SGMS1: variants seen among roughly 807,000 people sequenced by gnomAD.
The protein encoded by SGMS1 is phosphatidylcholine:ceramide cholinephosphotransferase 1.
Under a neutral mutation model 46.2 loss-of-function variants are expected in SGMS1, and 13 were observed. That is an observed-to-expected ratio of 0.28 (90% CI 0.18 to 0.45). SGMS1 has a LOEUF of 0.45. Ranked by LOEUF, SGMS1 falls within the 20% of genes least tolerant of loss-of-function variation. SGMS1 has a pLI of 1.00. For missense variants in SGMS1, 324 were observed against 519.9 expected, an observed-to-expected ratio of 0.62 and a Z score of 3.66; for synonymous variants, 203 against 187.8, an observed-to-expected ratio of 1.08 and a Z score of -0.66.
intron 6 of SGMS1, among the ~76,000 whole-genome samples, chr10:50,415,521 T>C (rs1035763272): frequency 3.3e-5 from 5 of 152,254 alleles, no homozygotes; most frequent in East Asian, 1.9e-4. Context: ...GCAGTTAGGA[T>C]TTAGAGTGGC....
chr10:50,419,492 AGCAAATAG>A (rs1011515345), intron 6 of SGMS1, among the ~76,000 whole-genome samples: 11 of 37,774 alleles, frequency 2.9e-4, no homozygotes, highest in African/African-American at 1.3e-3. Context: ...GTTTATTGGT[AGCAAATAG>A]GCTTAAAATT....
chr10:50,361,890 C>T (rs749764569), intron 6 of SGMS1, among the ~76,000 whole-genome samples: 9 of 152,204 alleles, frequency 5.9e-5, no homozygotes, highest in Non-Finnish European at 1.3e-4. Flanking sequence ...ATTTTTCAGC[C>T]TTGCCCTACA....
At chr10:50,493,606 T>A (rs1292293823) in intron 3 of SGMS1, among the ~76,000 whole-genome samples, 1 of 151,948 alleles carries the variant, frequency 6.6e-6, no homozygotes, top group East Asian at 1.9e-4. Flanking sequence ...TACAAGGAAC[T>A]TAAACAAATT....
intron 6 of SGMS1, among the ~76,000 whole-genome samples, chr10:50,432,954 G>C (rs1564912155): frequency 6.6e-6 from 1 of 152,170 alleles, no homozygotes; most frequent in Admixed American, 6.5e-5. Context: ...GTAACTGTCA[G>C]ATAATTAGCA....
intron 2 of SGMS1, among the ~76,000 whole-genome samples, chr10:50,546,482 A>G (rs1838101897): frequency 6.6e-6 from 1 of 152,216 alleles, no homozygotes; most frequent in African/African-American, 2.4e-5. Flanking sequence ...CAAATGTCCA[A>G]CAATGATAGA....
chr10:50,502,219 A>C (rs1837667219), intron 3 of SGMS1, among the ~76,000 whole-genome samples: 1 of 151,764 alleles, frequency 6.6e-6, no homozygotes. Flanking sequence ...TTACCTAGGT[A>C]ATCATCTCTA....
At chr10:50,539,336 G>A (rs1253427560) in intron 2 of SGMS1, among the ~76,000 whole-genome samples, 1 of 152,200 alleles carries the variant, frequency 6.6e-6, no homozygotes, top group East Asian at 1.9e-4. Context: ...AGTTGAATAA[G>A]GTCATAGACT....
intron 2 of SGMS1, among the ~76,000 whole-genome samples, chr10:50,582,601 C>T (rs1164087258): frequency 6.6e-6 from 1 of 152,172 alleles, no homozygotes; most frequent in African/African-American, 2.4e-5. Context: ...CAAGCAAGTG[C>T]CCACCCTGGA....
At chr10:50,445,225 G>A (rs1439804128) in intron 5 of SGMS1, among the ~76,000 whole-genome samples, 1 of 152,108 alleles carries the variant, frequency 6.6e-6, no homozygotes, top group South Asian at 2.1e-4. Context: ...CAAAGACTTG[G>A]AGTACATTAG....
chr10:50,581,838 C>A (rs951515621), intron 2 of SGMS1, among the ~76,000 whole-genome samples: 20 of 152,204 alleles, frequency 1.3e-4, no homozygotes, highest in African/African-American at 3.9e-4. Context: ...TGTGTCCAGA[C>A]AGAAGTAATG....
At chr10:50,375,429 A>G (rs1487392185) in intron 6 of SGMS1, among the ~76,000 whole-genome samples, 1 of 152,220 alleles carries the variant, frequency 6.6e-6, no homozygotes, top group Non-Finnish European at 1.5e-5. Context: ...TGTAGCAGGC[A>G]TGGCTCATGA....
In SGMS1 at chr10:50,350,430, T is replaced by G. The variant is rs139611035; in HGVS notation, c.-231-6085A>C. Among the ~76,000 whole-genome samples, 425 of 152,242 alleles carry G rather than the reference T, an allele frequency of 2.8e-3. 3 individuals carry two copies. Among genetic ancestry groups the G allele is most frequent in the African/African-American group, 9.5e-3 (394 of 41,528 alleles). On this transcript the variant is annotated intron_variant, in intron 6 of 10. Coordinates refer to ENST00000361781, the MANE Select transcript of SGMS1 (RefSeq NM_147156.4). ...AGAAATTCAAGCTGGCTGCAGAAAT[T>G]TTCATAAGTAGTAAGGAGCTTAGTG...
intron 8 of SGMS1, among the ~76,000 whole-genome samples, chr10:50,326,195 G>A (rs1431846724): frequency 6.6e-6 from 1 of 151,764 alleles, no homozygotes; most frequent in Non-Finnish European, 1.5e-5. Context: ...AAAGCAAAAA[G>A]TTAAGTAAGA....
chr10:50,568,648 G>A (rs924349930), intron 2 of SGMS1, among the ~76,000 whole-genome samples: 60 of 152,260 alleles, frequency 3.9e-4, no homozygotes, highest in African/African-American at 1.4e-3. Context: ...AGAAGAGCCT[G>A]GGAAACACAG....
At chr10:50,590,883 C>T (rs1050925810) in intron 1 of SGMS1, among the ~76,000 whole-genome samples, 1 of 152,138 alleles carries the variant, frequency 6.6e-6, no homozygotes, top group African/African-American at 2.4e-5. Context: ...GTGATGTAGC[C>T]CAAACATCCA....
intron 5 of SGMS1, among the ~76,000 whole-genome samples, chr10:50,456,989 C>G (rs1837199499): frequency 1.3e-5 from 2 of 152,168 alleles, no homozygotes; most frequent in African/African-American, 4.8e-5. Context: ...ATTTTCTCAT[C>G]ATATCTGAAA....
chr10:50,442,966 A>G (rs1456497043), intron 5 of SGMS1, among the ~76,000 whole-genome samples: 1 of 152,144 alleles, frequency 6.6e-6, no homozygotes, highest in Non-Finnish European at 1.5e-5. Flanking sequence ...AGATAATTTG[A>G]GCTTCCTGCT....
chr10:50,434,954 T>C (rs976457943), intron 5 of SGMS1, among the ~76,000 whole-genome samples: 1 of 149,858 alleles, frequency 6.7e-6, no homozygotes, highest in Non-Finnish European at 1.5e-5. Context: ...TCTTCTCTAA[T>C]AATAAAGAAA....
chr10:50,487,127 GT>G (rs1837527643), intron 3 of SGMS1, among the ~76,000 whole-genome samples: 2 of 152,182 alleles, frequency 1.3e-5, no homozygotes, highest in South Asian at 4.2e-4. Context: ...TGGATGCATA[GT>G]GGGGAACAAC....
Sources: gnomAD v4.1 joint callset for allele counts (sites outside exome capture counted in the v4.1 genomes callset) on GRCh38, gnomAD v4.1.1 for gene constraint, MANE v1.5 for transcripts, NCBI Gene and HGNC (gene_info 2026-07-23, HGNC 2026-07-21) for gene names.